FGD4: variants seen among roughly 807,000 people sequenced by gnomAD.
FGD4 encodes the protein FYVE, RhoGEF and PH domain-containing protein 4.
FGD4 carries 42 observed loss-of-function variants against 102.0 expected under a neutral mutation model. The ratio of observed to expected loss-of-function variants is 0.41; its 90% confidence interval spans 0.32 to 0.53. FGD4 has a LOEUF of 0.53. FGD4 is among the 20% of genes least tolerant of loss of function. FGD4 has a pLI of 0.21. For missense variants in FGD4, 902 were observed against 1,078.2 expected (o/e 0.84, Z 2.29); for synonymous variants, 380 against 375.7 (o/e 1.01, Z -0.13).
At chr12:32,520,319 G>A (rs992685217) in intron 1 of FGD4, among the ~76,000 whole-genome samples, 2 of 151,886 alleles carry the variant, frequency 1.3e-5, no homozygotes, top group Non-Finnish European at 1.5e-5. Context: ...TTGAGTTTTA[G>A]CATTTACCTT....
rs943233327 is a variant in FGD4, at chr12:32,518,353, C to T, written c.167-45784C>T. Among the ~76,000 whole-genome samples, 11 of 152,172 alleles carry T rather than the reference C, an allele frequency of 7.2e-5. No homozygotes were observed. The East Asian group carries it at 1.5e-3, about 21-fold the overall frequency. Reference sequence around the variant, plus strand: ...ATTAGCCGATACTGGTGGCACATGCCGGTAATCACAGCTACTTGGGAGGCT... The same window carrying T: ...ATTAGCCGATACTGGTGGCACATGCTGGTAATCACAGCTACTTGGGAGGCT... On this transcript the variant is annotated intron_variant, in intron 1 of 16. Coordinates refer to ENST00000534526, the MANE Select transcript of FGD4 (RefSeq NM_001370298.3).
intron 1 of FGD4, among the ~76,000 whole-genome samples, chr12:32,505,934 C>T (rs563424503): frequency 5.6e-4 from 85 of 152,194 alleles, no homozygotes; most frequent in African/African-American, 2.0e-3. Context: ...TTTTTAGATT[C>T]CTGTTATACA....
intron 11 of FGD4, among the ~76,000 whole-genome samples, chr12:32,623,263 A>G (rs1050129812): frequency 1.3e-5 from 2 of 152,218 alleles, no homozygotes; most frequent in African/African-American, 2.4e-5. Flanking sequence ...TCTGCATTTG[A>G]AAAGCTAAAA....
chr12:32,454,974 T>C (rs1942910984), intron 1 of FGD4, among the ~76,000 whole-genome samples: 1 of 152,196 alleles, frequency 6.6e-6, no homozygotes, highest in Non-Finnish European at 1.5e-5. Context: ...AATGGTTCTT[T>C]GTGCCAGAGA....
At chr12:32,578,924 T>C (rs931629254) in intron 3 of FGD4, among the ~76,000 whole-genome samples, 2 of 151,974 alleles carry the variant, frequency 1.3e-5, no homozygotes, top group African/African-American at 4.8e-5. Flanking sequence ...TCCTTCTTTC[T>C]CCTATTCCTC....
chr12:32,574,525 G>A (rs7313539), intron 2 of FGD4, among the ~76,000 whole-genome samples: 36,009 of 151,848 alleles, frequency 0.24, 5,021 homozygotes, highest in African/African-American at 0.38. Context: ...ATTGTTCCCA[G>A]ATAATACTAT....
chr12:32,406,640 C>T (rs1306321773), intron 1 of FGD4, among the ~76,000 whole-genome samples: 1 of 152,002 alleles, frequency 6.6e-6, no homozygotes, highest in Non-Finnish European at 1.5e-5. Flanking sequence ...TATGGATCTG[C>T]ATTTTTAAAA....
intron 1 of FGD4, among the ~76,000 whole-genome samples, chr12:32,551,448 A>G (rs1481187571): frequency 6.6e-6 from 1 of 152,228 alleles, no homozygotes; most frequent in Non-Finnish European, 1.5e-5. Context: ...TATGAATCCT[A>G]TGAATTTTCA....
At chr12:32,583,570 G>A (rs1405972306) in intron 4 of FGD4, among the ~76,000 whole-genome samples, 2 of 152,160 alleles carry the variant, frequency 1.3e-5, no homozygotes, top group South Asian at 4.1e-4. Context: ...ATAAGCTGGT[G>A]GGATTGTTGA....
chr12:32,535,801 T>G (rs1942198878), intron 1 of FGD4, among the ~76,000 whole-genome samples: 1 of 152,200 alleles, frequency 6.6e-6, no homozygotes, highest in South Asian at 2.1e-4. Flanking sequence ...AAGGCAGCTC[T>G]TAATTAGAGA....
At chr12:32,523,734 G>A (rs911451470) in intron 1 of FGD4, among the ~76,000 whole-genome samples, 23 of 152,174 alleles carry the variant, frequency 1.5e-4, no homozygotes, top group Admixed American at 1.1e-3. Flanking sequence ...CAACACTTTG[G>A]GAGGCCGAGG....
rs200275235 is a variant in FGD4, at chr12:32,626,838, G to GTT, written c.2172+1066_2172+1067dup. Among the ~76,000 whole-genome samples the GTT allele has an allele frequency of 2.7e-4, 41 of 151,676 alleles. 1 individual carries two copies. In the South Asian group the frequency reaches 8.4e-3, roughly 31 times the overall value. On this transcript the variant is annotated intron_variant, in intron 14 of 16. Coordinates refer to ENST00000534526, the MANE Select transcript of FGD4 (RefSeq NM_001370298.3). Reference sequence around the variant, plus strand: ...TTTAGGTGCAATATCTATTTATTTGGTTTTTTTTGTTTTGTTTTTTGTTTT... The same window carrying GTT: ...TTTAGGTGCAATATCTATTTATTTGGTTTTTTTTTTGTTTTGTTTTTTGTTTT...
intron 1 of FGD4, among the ~76,000 whole-genome samples, chr12:32,495,582 G>A (rs2136596157): frequency 6.6e-6 from 1 of 151,754 alleles, no homozygotes; most frequent in East Asian, 1.9e-4. Context: ...TGTAGTCCCA[G>A]CTACTTGGGA....
chr12:32,599,634 T>A (rs1948231606), intron 5 of FGD4, among the ~76,000 whole-genome samples: 1 of 117,026 alleles, frequency 8.5e-6, no homozygotes, highest in Middle Eastern at 6.3e-3. Flanking sequence ...TGCGACCTCC[T>A]ACTCCCAGGT....
At chr12:32,482,747 A>G (rs1262611922) in intron 1 of FGD4, among the ~76,000 whole-genome samples, 1 of 152,196 alleles carries the variant, frequency 6.6e-6, no homozygotes, top group Non-Finnish European at 1.5e-5. Context: ...GAAAACGAAG[A>G]CATAGGGTAA....
At position 32,506,942 on chromosome 12, in the gene FGD4, ATTATAC is replaced by A. The variant is rs1938813395; in HGVS notation, c.167-57192_167-57187del. On this transcript the variant is annotated intron_variant, in intron 1 of 16. Coordinates refer to ENST00000534526, the MANE Select transcript of FGD4 (RefSeq NM_001370298.3). The surrounding 1 kb of genome is among the most constrained non-coding windows in gnomAD (Gnocchi z 4.5). ...ACTTTATTTTTATTTATTTTTTATT[ATTATAC>A]TTTAAGTTTTAGGGCACATGTGCAC... 6.6e-6 allele frequency among the ~76,000 whole-genome samples: 1 copy of A among 152,042 alleles called. No homozygotes were observed. The highest frequency in any genetic ancestry group is 6.5e-5 in the Admixed American group (1 of 15,268).
intron 11 of FGD4, among the ~76,000 whole-genome samples, chr12:32,621,914 G>A (rs1030889281): frequency 1.0e-4 from 15 of 150,172 alleles, no homozygotes; most frequent in African/African-American, 3.2e-4. Flanking sequence ...TGGAGACAGA[G>A]TCTCACTCTG....
chr12:32,520,419 T>C (rs1940382091), intron 1 of FGD4, among the ~76,000 whole-genome samples: 1 of 139,458 alleles, frequency 7.2e-6, no homozygotes, highest in East Asian at 2.0e-4. Context: ...TTAAGTTCTA[T>C]TGTGGGTTTT....
intron 1 of FGD4, among the ~76,000 whole-genome samples, chr12:32,552,440 T>TC (rs1943750485): frequency 1.5e-5 from 1 of 64,834 alleles, no homozygotes; most frequent in Non-Finnish European, 2.8e-5. Context: ...TTGCATTTTT[T>TC]TTTTTTTTTT....
Sources: gnomAD v4.1 joint callset for allele counts (sites outside exome capture counted in the v4.1 genomes callset) on GRCh38, gnomAD v4.1.1 for gene constraint, Gnocchi (gnomAD v3.1) non-coding constraint, MANE v1.5 for transcripts, NCBI Gene and HGNC (gene_info 2026-07-23, HGNC 2026-07-21) for gene names.